CNPY3: variants seen among roughly 807,000 people sequenced by gnomAD.
CNPY3 encodes canopy FGF signaling regulator 3.
CNPY3 carries 20 observed loss-of-function variants against 32.0 expected under a neutral mutation model. That is an observed-to-expected ratio of 0.63 (90% confidence interval 0.44 to 0.91). CNPY3 has a LOEUF of 0.91. Among genes scored for constraint, CNPY3 ranks in the 40% least tolerant of loss-of-function variants. CNPY3 has a pLI of 0.00. For synonymous variants in CNPY3, 138 were observed against 142.9 expected, an observed-to-expected ratio of 0.97 and a Z score of 0.24; for missense variants, 299 against 340.8, an observed-to-expected ratio of 0.88 and a Z score of 0.97.
intron 1 of CNPY3, among the ~76,000 whole-genome samples, chr6:42,930,929 G>T (rs1767752557): frequency 6.6e-6 from 1 of 150,630 alleles, no homozygotes; most frequent in Admixed American, 6.6e-5. Flanking sequence ...TGGCTCTGTT[G>T]CCCAGGCTGG....
chr6:42,935,173 G>A (rs1305441047), intron 2 of CNPY3, among the ~76,000 whole-genome samples: 2 of 151,954 alleles, frequency 1.3e-5, no homozygotes, highest in Non-Finnish European at 2.9e-5. Context: ...CGGCCACAGT[G>A]CAATTTTTTA....
At chr6:42,938,506 C>T in intron 5 of CNPY3, 62 bp from the exon 6 acceptor site, 1 of 1,471,618 alleles carries the variant, frequency 6.8e-7, no homozygotes, top group Non-Finnish European at 9.2e-7. Context: ...GCTCAGTGCT[C>T]CTTGCCCAGC....
At chr6:42,928,623 C>T (rs1023096135), upstream of CNPY3, among the ~76,000 whole-genome samples, 11 of 152,188 alleles carry the variant, frequency 7.2e-5, no homozygotes, top group African/African-American at 1.9e-4. Flanking sequence ...TGAGTATCTC[C>T]TTGTGCCAGG....
chr6:42,937,526 A>C (rs895413560), intron 3 of CNPY3, among the ~76,000 whole-genome samples, 191 bp from the exon 4 acceptor site: 24 of 152,002 alleles, frequency 1.6e-4, no homozygotes, highest in Non-Finnish European at 1.3e-4. Context: ...CCTGGGAGGC[A>C]GAGGTTGCAG....
rs942300573 is a variant in CNPY3, at chr6:42,939,027, CT to C, written c.*238del. The C allele has an allele frequency of 3.0e-6, 4 of 1,316,120 alleles. No individual in the cohort carries two copies. In the African/African-American group the frequency reaches 4.5e-5, roughly 15 times the overall value. 81.5% of individuals were successfully genotyped at this position (1,316,120 alleles called of 1,614,324 possible). ...CTCCTGACCCAGGGTTCAGGCAGGC[CT>C]TGTGGTTTCAGGACTGCAAGGACTC... is the stretch of plus-strand genomic sequence containing the variant. On this transcript the variant is annotated 3_prime_UTR_variant, in exon 6 of 6. Transcript: ENST00000372836.
chr6:42,935,932 G>A lies in CNPY3; in HGVS notation c.372+262G>A, dbSNP rs113979678. Among the ~76,000 whole-genome samples the A allele has an allele frequency of 2.8e-3, 430 of 150,996 alleles. 6 individuals are homozygous for A. The highest frequency in any genetic ancestry group is 9.2e-3 in the African/African-American group (373 of 40,390). ...GAAATGCTCCACAGTTGCTGCCCCCGTGGGAACCTAAAGACACTAGAACGG... is the reference window on the plus strand; with the variant it reads ...GAAATGCTCCACAGTTGCTGCCCCCATGGGAACCTAAAGACACTAGAACGG... On this transcript the variant is annotated intron_variant, in intron 3 of 5. Transcript: ENST00000372836.
At chr6:42,932,409 C>T (rs1767895408) in intron 1 of CNPY3, among the ~76,000 whole-genome samples, 3 of 152,202 alleles carry the variant, frequency 2.0e-5, no homozygotes, top group Admixed American at 6.5e-5. Context: ...GAGAACCTGC[C>T]CGGAAAAAAA....
In CNPY3 at chr6:42,938,926, A is replaced by G; in HGVS notation, c.*135A>G. The G allele has an allele frequency of 7.0e-7, 1 of 1,430,602 alleles. No individual in the cohort carries two copies. The highest frequency in any genetic ancestry group is 2.9e-5 in the Admixed American group (1 of 34,384). The allele number at this position is 1,430,602 out of a possible 1,614,324, so 88.6% of individuals were successfully genotyped here. The stretch of plus-strand genomic sequence containing the variant: ...TGGCTGTGCCCTCTTCTGCCAAGGA[A>G]AGACACAAGCCCCAGGAAGAACTCA... On this transcript the variant is annotated 3_prime_UTR_variant, in exon 6 of 6. Transcript: ENST00000372836.
At chr6:42,928,627 T>G (rs1581693982), upstream of CNPY3, among the ~76,000 whole-genome samples, 1 of 152,282 alleles carries the variant, frequency 6.6e-6, no homozygotes, top group East Asian at 1.9e-4. Flanking sequence ...TATCTCCTTG[T>G]GCCAGGCACC....
rs1048330 is a variant in CNPY3 at position 42,939,184 on chromosome 6, C to T, written c.*393C>T. On this transcript the variant is annotated 3_prime_UTR_variant, in exon 6 of 6. Coordinates refer to ENST00000372836, the MANE Select transcript of CNPY3 (RefSeq NM_006586.5). ...GACTGCAGCCCCCTGTAGCTCCTCTCTGCTTACCCCTCCTGTGGACACCTT... is the reference window on the plus strand; with the variant it reads ...GACTGCAGCCCCCTGTAGCTCCTCTTTGCTTACCCCTCCTGTGGACACCTT... 1 of 1,016,598 alleles carries T rather than the reference C, an allele frequency of 9.8e-7. No individual in the cohort carries two copies. The highest frequency in any genetic ancestry group is 1.2e-6 in the Non-Finnish European group (1 of 850,772). The allele number at this position is 1,016,598 out of a possible 1,614,324, so 63.0% of individuals were successfully genotyped here.
chr6:42,929,318 G>T, upstream of CNPY3: 1 of 521,782 alleles, frequency 1.9e-6, no homozygotes, highest in Non-Finnish European at 3.4e-6. Context: ...TACTGGCCAA[G>T]GGCGTAAAAA....
Position 42,930,300 on chromosome 6 carries a change from A to G in CNPY3, c.151+579A>G, listed in dbSNP as rs553145341. On this transcript the variant is annotated intron_variant, in intron 1 of 5. Transcript: ENST00000372836. ...TAGTTGTCTGTTGCACCCACTAACA[A>G]CTCCTCGAAGGCAGGAATTTTTGTC... 1.2e-4 allele frequency among the ~76,000 whole-genome samples: 18 copies of G among 151,994 alleles called. No homozygotes were observed. The East Asian group carries it at 3.1e-3, about 26-fold the overall frequency.
intron 2 of CNPY3, among the ~76,000 whole-genome samples, chr6:42,935,110 C>T (rs891415867): frequency 9.9e-5 from 15 of 152,064 alleles, no homozygotes; most frequent in African/African-American, 2.4e-4. Context: ...TGAGATGATC[C>T]GCCTGCCTCG....
chr6:42,938,459 TCA>T (rs1768385443), intron 5 of CNPY3, 107 bp from the exon 6 acceptor site: 2 of 1,097,980 alleles, frequency 1.8e-6, no homozygotes, highest in Non-Finnish European at 1.3e-6. Flanking sequence ...GAGGCTGATG[TCA>T]AGCACAGTCC....
At chr6:42,934,741 C>G (rs1768092877) in intron 2 of CNPY3, 143 bp downstream of exon 2, 1 of 1,102,580 alleles carries the variant, frequency 9.1e-7, no homozygotes, top group Non-Finnish European at 1.3e-6. Flanking sequence ...TGATTCTGTC[C>G]CCAGCTAATT....
In CNPY3 at chr6:42,937,703, G is replaced by A; in HGVS notation, c.373-14G>A. 6.2e-7 allele frequency: 1 copy of A among 1,613,838 alleles called. No homozygotes were observed. The highest frequency in any genetic ancestry group is 8.5e-7 in the Non-Finnish European group (1 of 1,179,900). On this transcript the variant is annotated splice_polypyrimidine_tract_variant and intron_variant, in intron 3 of 5. Transcript: ENST00000372836. ...AAGGGAGCTCCGCCTGCCATATCTGGTCGCTTCTTCCAGGGCATGTCAGAG... is the reference window on the plus strand; with the variant it reads ...AAGGGAGCTCCGCCTGCCATATCTGATCGCTTCTTCCAGGGCATGTCAGAG...
chr6:42,935,626 T>C lies in CNPY3; in HGVS notation c.328T>C (p.Tyr110His). 4 of 1,612,610 alleles carry C rather than the reference T, an allele frequency of 2.5e-6. No individual in the cohort carries two copies. Among genetic ancestry groups the C allele is most frequent in the Non-Finnish European group, 3.4e-6 (4 of 1,178,770 alleles). The change falls in exon 3 of 6, where the codon TAT becomes CAT. Residue 110 changes from tyrosine to histidine, a missense_variant. By Grantham distance (83) the Tyr-to-His change is moderately conservative (BLOSUM62 2). Around this residue, in one of 2 missense-constraint regions of CNPY3, gnomAD observed 211 missense variants for 278.3 expected, o/e 0.76. Coordinates refer to ENST00000372836, the MANE Select transcript of CNPY3 (RefSeq NM_006586.5). ...TETICKRLLD[Y>H]SLHKERTGSN... ...GACCATTTGCAAGAGGCTCCTGGAT[T>C]ATAGCCTGCACAAGGAGAGGACCGG... is the stretch of plus-strand genomic sequence containing the variant.
chr6:42,933,729 G>A (rs542614890), intron 1 of CNPY3, among the ~76,000 whole-genome samples: 10 of 152,148 alleles, frequency 6.6e-5, no homozygotes, highest in African/African-American at 2.2e-4. Context: ...CTTTCAAGAT[G>A]GTGTAGCAAA....
intron 3 of CNPY3, among the ~76,000 whole-genome samples, chr6:42,936,207 G>A (rs1258446446): frequency 7.5e-6 from 1 of 134,212 alleles, no homozygotes; most frequent in Admixed American, 7.0e-5. Context: ...GCCTGGCACA[G>A]GGTAAGATAG....
Sources: allele counts gnomAD v4.1 joint callset (sites outside exome capture counted in the v4.1 genomes callset), GRCh38; gene constraint gnomAD v4.1.1; regional missense constraint gnomAD v4.1.1; transcripts MANE v1.5; gene names NCBI Gene and HGNC (gene_info 2026-07-23, HGNC 2026-07-21).